CLRN1: variants seen among roughly 807,000 people sequenced by gnomAD.
CLRN1 encodes clarin 1, also known as clarin-1.
CLRN1 carries 15 observed loss-of-function variants against 18.7 expected under a neutral mutation model. The observed-to-expected ratio is 0.80, with a 90% CI of 0.54 to 1.23. The LOEUF (loss-of-function observed/expected upper bound fraction) is 1.23, where lower values mean the gene tolerates loss of function less well. Ranked by LOEUF, CLRN1 falls within the 50% of genes most tolerant of loss-of-function variation. The pLI is 0.00. For missense variants in CLRN1, 311 were observed against 277.5 expected (o/e 1.12, Z -0.86); for synonymous variants, 104 against 102.9 (o/e 1.01, Z -0.07).
intron 1 of CLRN1, chr3:150,945,673 C>T (rs1714126011): frequency 8.7e-6 from 11 of 1,266,362 alleles, no homozygotes; most frequent in Non-Finnish European, 1.1e-5. Flanking sequence ...TACTACATTT[C>T]CTTTATCTTC....
intron 1 of CLRN1, among the ~76,000 whole-genome samples, chr3:150,960,733 G>A (rs1177177071): frequency 2.0e-5 from 3 of 152,288 alleles, no homozygotes; most frequent in Non-Finnish European, 4.4e-5. Flanking sequence ...TTTGGAAGGA[G>A]CAGAGCCCTT....
intron 2 of CLRN1, among the ~76,000 whole-genome samples, chr3:150,935,266 G>T (rs1713398999): frequency 6.7e-6 from 1 of 150,238 alleles, no homozygotes; most frequent in Non-Finnish European, 1.5e-5. Context: ...TTAGCATTAG[G>T]TATATCTCCT....
At chr3:150,941,451 TG>T (rs1194473121) in intron 2 of CLRN1, 130 bp downstream of exon 2, 6 of 930,886 alleles carry the variant, frequency 6.4e-6, no homozygotes, top group East Asian at 2.6e-5. Context: ...CCACACTTTT[TG>T]TTATTATGTA....
chr3:150,927,849 A>C lies in CLRN1; in HGVS notation c.*87T>G. The C allele has an allele frequency of 6.8e-7, 1 of 1,468,364 alleles. No homozygotes were observed. 91.0% of individuals were successfully genotyped at this position (1,468,364 alleles called of 1,614,324 possible). A position where few individuals can be genotyped will look rare whatever the true frequency, so the allele number is the denominator to read the frequency against. ...AGGGTCCTGATGCTTTAATATATGC[A>C]GACTAAAAGGATATGCAAAATTAAC... On this transcript the variant is annotated 3_prime_UTR_variant, in exon 3 of 3. Coordinates refer to ENST00000327047, the MANE Select transcript of CLRN1 (RefSeq NM_174878.3).
intron 1 of CLRN1, among the ~76,000 whole-genome samples, chr3:150,942,185 T>C (rs1295458647): frequency 6.6e-6 from 1 of 152,160 alleles, no homozygotes; most frequent in Non-Finnish European, 1.5e-5. Context: ...TATTAGGAAG[T>C]TTTCATATTT....
intron 1 of CLRN1, among the ~76,000 whole-genome samples, chr3:150,947,000 C>T (rs866498972): frequency 6.7e-5 from 10 of 148,444 alleles, no homozygotes; most frequent in South Asian, 2.1e-4. Context: ...TTTGAGATAG[C>T]GAGGGAAAAT....
intron 1 of CLRN1, among the ~76,000 whole-genome samples, chr3:150,970,109 G>C (rs1715460825): frequency 6.6e-6 from 1 of 152,196 alleles, no homozygotes; most frequent in Non-Finnish European, 1.5e-5. Context: ...AAACAGAAAA[G>C]AGTCATCCAC....
intron 1 of CLRN1, among the ~76,000 whole-genome samples, chr3:150,971,689 C>A (rs1559995664): frequency 6.6e-6 from 1 of 152,166 alleles, no homozygotes; most frequent in Non-Finnish European, 1.5e-5. Flanking sequence ...AGAGATATAA[C>A]AAATGACTTC....
chr3:150,943,921 G>T, intron 1 of CLRN1: 1 of 1,611,098 alleles, frequency 6.2e-7, no homozygotes. Context: ...TCCTGCAAGA[G>T]GTTGAGCAGG....
chr3:150,961,648 A>C (rs1160486812), intron 1 of CLRN1, among the ~76,000 whole-genome samples: 2 of 152,080 alleles, frequency 1.3e-5, no homozygotes, highest in East Asian at 3.9e-4. Context: ...ACATAAAAGG[A>C]TGTGTTTTTT....
intron 1 of CLRN1, chr3:150,943,791 T>C (rs761984416): frequency 6.2e-7 from 1 of 1,613,842 alleles, no homozygotes; most frequent in Non-Finnish European, 8.5e-7. Flanking sequence ...ACACACCCTC[T>C]GGGGCCCTGG....
chr3:150,947,993 G>C (rs2107962661), intron 1 of CLRN1, among the ~76,000 whole-genome samples: 1 of 152,216 alleles, frequency 6.6e-6, no homozygotes, highest in South Asian at 2.1e-4. Flanking sequence ...AAGAATTAGA[G>C]AAGCAAGAAC....
chr3:150,952,097 A>T (rs562007882), intron 1 of CLRN1, among the ~76,000 whole-genome samples: 1 of 152,290 alleles, frequency 6.6e-6, no homozygotes, highest in African/African-American at 2.4e-5. Flanking sequence ...GTTGTCCACT[A>T]TGCCCCATCT....
At position 150,926,823 on chromosome 3, in the gene CLRN1, T is replaced by G. The variant is rs1353053452; in HGVS notation, c.*1113A>C. ...TGGTGCTTTCTGGAGGACAGCAGGT[T>G]GAGGATGAAGGAAGGGTCAGTTCCA... On this transcript the variant is annotated 3_prime_UTR_variant, in exon 3 of 3. Transcript: ENST00000327047. The G allele has an allele frequency of 2.5e-6, 4 of 1,614,020 alleles. No individual in the cohort carries two copies. Among genetic ancestry groups the G allele is most frequent in the Middle Eastern group, 3.3e-4 (2 of 6,054 alleles).
At position 150,927,631 on chromosome 3, in the gene CLRN1, T is replaced by TACACACAC. The variant is rs34027634; in HGVS notation, c.*297_*304dup. 18 of 473,432 alleles carry TACACACAC rather than the reference T, an allele frequency of 3.8e-5. No individual in the cohort carries two copies. The highest frequency in any genetic ancestry group is 3.0e-4 in the African/African-American group (15 of 50,150). The allele number at this position is 473,432 out of a possible 1,614,324, so 29.3% of individuals were successfully genotyped here. A position where few individuals can be genotyped will look rare whatever the true frequency, so the allele number is the denominator to read the frequency against. On this transcript the variant is annotated 3_prime_UTR_variant, in exon 3 of 3. Transcript: ENST00000327047. ...ATATCTTTTTGATAGGAAGACATCT[T>TACACACAC]ACACACACACACACACACACACACA...
chr3:150,926,942 A>G lies in CLRN1; in HGVS notation c.*994T>C, dbSNP rs1246238874. On this transcript the variant is annotated 3_prime_UTR_variant, in exon 3 of 3. Coordinates refer to ENST00000327047, the MANE Select transcript of CLRN1 (RefSeq NM_174878.3). ...ACCTGGGTCATGCTTGGTGACAGCC[A>G]GAACAAGACCAAGATGATACAGTGA... is the stretch of plus-strand genomic sequence containing the variant. 1 of 1,612,692 alleles carries G rather than the reference A, an allele frequency of 6.2e-7. No homozygotes were observed. The highest frequency in any genetic ancestry group is 8.5e-7 in the Non-Finnish European group (1 of 1,179,274).
At chr3:150,971,017 A>G (rs1304640416) in intron 1 of CLRN1, among the ~76,000 whole-genome samples, 1 of 152,220 alleles carries the variant, frequency 6.6e-6, no homozygotes, top group Non-Finnish European at 1.5e-5. Flanking sequence ...TTCACTGTAG[A>G]AAATGTAAAG....
intron 1 of CLRN1, among the ~76,000 whole-genome samples, chr3:150,951,242 C>A (rs1714467322): frequency 6.6e-6 from 1 of 152,018 alleles, no homozygotes; most frequent in Non-Finnish European, 1.5e-5. Flanking sequence ...ACAGGTACCC[C>A]CAAACGTAAA....
intron 2 of CLRN1, among the ~76,000 whole-genome samples, chr3:150,929,227 G>A (rs960854381): frequency 5.3e-5 from 8 of 152,180 alleles, no homozygotes; most frequent in African/African-American, 1.4e-4. Context: ...AGATTGCTGT[G>A]GGACAGGGGC....
Sources: allele counts gnomAD v4.1 joint callset (sites outside exome capture counted in the v4.1 genomes callset), GRCh38; gene constraint gnomAD v4.1.1; transcripts MANE v1.5; gene names NCBI Gene and HGNC (gene_info 2026-07-23, HGNC 2026-07-21).